PLXDC2: variants seen among roughly 807,000 people sequenced by gnomAD.
The protein encoded by PLXDC2 is plexin domain-containing protein 2.
A neutral mutation model predicts 68.9 loss-of-function variants in PLXDC2; 40 were observed. The observed-to-expected ratio is 0.58, with a 90% CI of 0.45 to 0.76. PLXDC2 has a LOEUF of 0.76. PLXDC2 is among the 30% of genes least tolerant of loss of function. The pLI is 0.00. For missense variants in PLXDC2, 644 were observed against 661.9 expected, an observed-to-expected ratio of 0.97 and a Z score of 0.30; for synonymous variants, 243 against 234.2, an observed-to-expected ratio of 1.04 and a Z score of -0.34.
At chr10:20,212,490 A>G (rs1835082180) in intron 10 of PLXDC2, among the ~76,000 whole-genome samples, 1 of 152,128 alleles carries the variant, frequency 6.6e-6, no homozygotes. Context: ...ATATAAAGAT[A>G]TCCTATAAAG....
chr10:19,975,902 G>C (rs1185995767), intron 1 of PLXDC2, among the ~76,000 whole-genome samples: 2 of 152,144 alleles, frequency 1.3e-5, no homozygotes, highest in Admixed American at 6.5e-5. Flanking sequence ...TACTTGGGAG[G>C]CTGAGGCAGG....
chr10:20,192,975 C>T (rs1176226619), intron 9 of PLXDC2, among the ~76,000 whole-genome samples: 1 of 151,946 alleles, frequency 6.6e-6, no homozygotes, highest in East Asian at 1.9e-4. Context: ...GTTTGTTGTC[C>T]CAATGTCCCA....
At chr10:20,112,638 T>C (rs1487599790) in intron 4 of PLXDC2, among the ~76,000 whole-genome samples, 1 of 152,252 alleles carries the variant, frequency 6.6e-6, no homozygotes, top group Non-Finnish European at 1.5e-5. Context: ...TTTATAACAC[T>C]TAGAGAGTTC....
At chr10:20,110,642 A>T (rs547173384) in intron 4 of PLXDC2, among the ~76,000 whole-genome samples, 29 of 152,190 alleles carry the variant, frequency 1.9e-4, no homozygotes, top group African/African-American at 6.3e-4. Flanking sequence ...AACGCCGGTC[A>T]CTGTCACAGT....
At chr10:20,180,815 TACTA>T (rs1215328710) in intron 9 of PLXDC2, among the ~76,000 whole-genome samples, 2 of 152,048 alleles carry the variant, frequency 1.3e-5, no homozygotes, top group African/African-American at 4.8e-5. Flanking sequence ...CTCAAGTGCT[TACTA>T]AAATTACTTG....
rs567129191 is a variant in PLXDC2 at position 19,891,126 on chromosome 10, C to A, written c.112+73935C>A. 5.6e-4 allele frequency among the ~76,000 whole-genome samples: 86 copies of A among 152,236 alleles called. 1 individual carries two copies. The highest frequency in any genetic ancestry group is 2.0e-3 in the African/African-American group (81 of 41,526). Reference sequence around the variant, plus strand: ...TGTCTTTCTCTGTCCAGCGCTCCCACCCCTGAAAAATATAAGTACCCAGTT... The same window carrying A: ...TGTCTTTCTCTGTCCAGCGCTCCCAACCCTGAAAAATATAAGTACCCAGTT... On this transcript the variant is annotated intron_variant, in intron 1 of 13. Coordinates refer to ENST00000377252, the MANE Select transcript of PLXDC2 (RefSeq NM_032812.9).
chr10:20,178,219 C>G (rs1313705198), intron 9 of PLXDC2, among the ~76,000 whole-genome samples: 1 of 152,046 alleles, frequency 6.6e-6, no homozygotes, highest in Non-Finnish European at 1.5e-5. Flanking sequence ...TTAGCTAACC[C>G]TGAAACTTAA....
intron 1 of PLXDC2, among the ~76,000 whole-genome samples, chr10:19,893,872 T>C (rs997537612): frequency 1.3e-5 from 2 of 152,220 alleles, no homozygotes; most frequent in Non-Finnish European, 2.9e-5. Flanking sequence ...ACAAGTGAAC[T>C]TTGAAGAAGG....
intron 1 of PLXDC2, among the ~76,000 whole-genome samples, chr10:19,843,326 T>C (rs1836941442): frequency 6.6e-6 from 1 of 152,204 alleles, no homozygotes; most frequent in Non-Finnish European, 1.5e-5. Flanking sequence ...TCAATGTCAA[T>C]TTATCCAATA....
At chr10:19,908,531 A>C (rs1833208468) in intron 1 of PLXDC2, among the ~76,000 whole-genome samples, 1 of 152,152 alleles carries the variant, frequency 6.6e-6, no homozygotes, top group Admixed American at 6.5e-5. Flanking sequence ...TAGGAGTTGA[A>C]TTGTCCTTTG....
At chr10:20,235,425 A>G (rs1346733205) in intron 12 of PLXDC2, among the ~76,000 whole-genome samples, 1 of 152,246 alleles carries the variant, frequency 6.6e-6, no homozygotes, top group Non-Finnish European at 1.5e-5. Context: ...AGCAAGTAAT[A>G]TGAGTGGCAC....
intron 12 of PLXDC2, among the ~76,000 whole-genome samples, chr10:20,236,645 C>A (rs1835435923): frequency 6.6e-6 from 1 of 152,016 alleles, no homozygotes; most frequent in South Asian, 2.1e-4. Context: ...AATGGGTTTT[C>A]CAAATATTTA....
chr10:19,864,827 CG>C (rs1837384031), intron 1 of PLXDC2, among the ~76,000 whole-genome samples: 1 of 152,060 alleles, frequency 6.6e-6, no homozygotes, highest in Admixed American at 6.6e-5. Context: ...GAATTCACGT[CG>C]GGCTGTAGTT....
At chr10:19,872,919 A>C (rs1226329318) in intron 1 of PLXDC2, among the ~76,000 whole-genome samples, 1 of 152,034 alleles carries the variant, frequency 6.6e-6, no homozygotes, top group Non-Finnish European at 1.5e-5. Flanking sequence ...AAGAGTCTGG[A>C]CTGTTTGGTT....
intron 4 of PLXDC2, among the ~76,000 whole-genome samples, chr10:20,122,014 T>TG (rs1397398351): frequency 1.3e-5 from 2 of 151,110 alleles, no homozygotes; most frequent in African/African-American, 2.4e-5. Context: ...TGGGTTAAGG[T>TG]GGGGGAATAC....
At chr10:19,912,718 A>G (rs538735236) in intron 1 of PLXDC2, among the ~76,000 whole-genome samples, 1 of 152,356 alleles carries the variant, frequency 6.6e-6, no homozygotes, top group South Asian at 2.1e-4. Context: ...TTTAGAAGTT[A>G]GTACTATATA....
intron 1 of PLXDC2, among the ~76,000 whole-genome samples, chr10:19,848,483 GA>G (rs1837054607): frequency 6.6e-6 from 1 of 152,154 alleles, no homozygotes; most frequent in African/African-American, 2.4e-5. Flanking sequence ...GAGGGTTCTT[GA>G]ATCTTAAGGA....
intron 1 of PLXDC2, among the ~76,000 whole-genome samples, chr10:19,875,061 A>T (rs867759850): frequency 6.6e-6 from 1 of 152,168 alleles, no homozygotes; most frequent in Non-Finnish European, 1.5e-5. Context: ...CCTTAAGCCA[A>T]TCATATTTTT....
intron 12 of PLXDC2, among the ~76,000 whole-genome samples, chr10:20,240,643 G>T (rs1004485698): frequency 7.2e-6 from 1 of 138,808 alleles, no homozygotes; most frequent in Non-Finnish European, 1.5e-5. Flanking sequence ...TTCATCTAAA[G>T]CCCATAGAAA....
Sources: gnomAD v4.1 joint callset for allele counts (sites outside exome capture counted in the v4.1 genomes callset) on GRCh38, gnomAD v4.1.1 for gene constraint, MANE v1.5 for transcripts, NCBI Gene and HGNC (gene_info 2026-07-23, HGNC 2026-07-21) for gene names.